The following BACH2 variants were observed in gnomAD, a reference collection of about 807,000 sequenced individuals.
BACH2 encodes BACH transcriptional regulator 2.
In BACH2, 5 loss-of-function variants were observed where a neutral mutation model predicts 61.8. The observed-to-expected ratio is 0.08, with a 90% CI of 0.04 to 0.17. BACH2 has a LOEUF of 0.17. Among genes scored for constraint, BACH2 ranks in the 10% least tolerant of loss-of-function variants. The probability of loss-of-function intolerance (pLI) is 1.00; values close to 1 mark genes in which losing one functional copy is unlikely to be tolerated. For missense variants in BACH2, 824 were observed against 1,091.1 expected, an observed-to-expected ratio of 0.76 and a Z score of 3.45; for synonymous variants, 446 against 440.1, an observed-to-expected ratio of 1.01 and a Z score of -0.17.
chr6:90,135,240 T>C (rs539848627), intron 4 of BACH2, among the ~76,000 whole-genome samples: 1 of 152,308 alleles, frequency 6.6e-6, no homozygotes, highest in South Asian at 2.1e-4. Context: ...AACTAAAACC[T>C]TATCTCTAGC....
At chr6:90,062,897 G>C (rs919644562) in intron 5 of BACH2, 8 of 984,870 alleles carry the variant, frequency 8.1e-6, no homozygotes, top group African/African-American at 1.7e-5. Context: ...GCTCTGCCAA[G>C]ACTTGAACAC....
intron 5 of BACH2, among the ~76,000 whole-genome samples, chr6:90,065,270 C>CCTTTTTTTTTTTTTTTTTTTTT (rs1780894736): frequency 1.9e-5 from 1 of 52,648 alleles, no homozygotes; most frequent in Non-Finnish European, 3.4e-5. Flanking sequence ...GCCGCCCCCA[C>CCTTTTTTTTTTTTTTTTTTTTT]TTTTTTTTTT....
intron 6 of BACH2, among the ~76,000 whole-genome samples, chr6:89,969,397 C>A (rs1775234903): frequency 1.3e-5 from 2 of 152,068 alleles, no homozygotes; most frequent in Admixed American, 1.3e-4. Flanking sequence ...GAGGAACTCA[C>A]AATGTATCAC....
chr6:90,062,160 G>A (rs771880384), intron 5 of BACH2, among the ~76,000 whole-genome samples: 22 of 152,166 alleles, frequency 1.4e-4, no homozygotes, highest in Non-Finnish European at 2.1e-4. Flanking sequence ...AAGAGGTGAC[G>A]TGGAACATGT....
At chr6:90,232,491 C>T (rs916697610) in intron 3 of BACH2, among the ~76,000 whole-genome samples, 5 of 152,164 alleles carry the variant, frequency 3.3e-5, no homozygotes, top group African/African-American at 1.2e-4. Flanking sequence ...AGATGAACAA[C>T]AGGCCCAGAA....
chr6:90,122,765 G>A (rs2127820301), intron 4 of BACH2, among the ~76,000 whole-genome samples: 1 of 152,338 alleles, frequency 6.6e-6, no homozygotes, highest in African/African-American at 2.4e-5. Flanking sequence ...AAAACTGCTT[G>A]ACAAGAGGGA....
chr6:89,981,022 T>G (rs1212903981), intron 6 of BACH2, among the ~76,000 whole-genome samples: 1 of 151,942 alleles, frequency 6.6e-6, no homozygotes, highest in Non-Finnish European at 1.5e-5. Context: ...TGATTAGGCT[T>G]AATTAGATAT....
intron 6 of BACH2, among the ~76,000 whole-genome samples, chr6:89,966,984 T>C (rs1187299338): frequency 2.0e-5 from 3 of 152,174 alleles, no homozygotes; most frequent in African/African-American, 7.2e-5. Context: ...TATAGGCCGG[T>C]AGGGTCCTAT....
intron 3 of BACH2, among the ~76,000 whole-genome samples, chr6:90,209,094 C>T (rs992288127): frequency 6.6e-6 from 1 of 151,884 alleles, no homozygotes; most frequent in Non-Finnish European, 1.5e-5. Context: ...AGGAGAAATA[C>T]CTTACGTAAA....
intron 7 of BACH2, 65 bp from the exon 8 acceptor site, chr6:89,938,415 C>A: frequency 2.1e-6 from 3 of 1,413,990 alleles, no homozygotes; most frequent in Non-Finnish European, 2.9e-6. Context: ...GGCGGAACAT[C>A]AAAAATGATA....
At chr6:90,062,998 T>A in intron 5 of BACH2, 1 of 893,168 alleles carries the variant, frequency 1.1e-6, no homozygotes, top group Non-Finnish European at 1.3e-6. Flanking sequence ...TACAACCAGA[T>A]GTATAGGGAA....
chr6:90,153,260 A>G (rs1039128733), intron 4 of BACH2, among the ~76,000 whole-genome samples: 3 of 152,186 alleles, frequency 2.0e-5, no homozygotes, highest in Admixed American at 6.5e-5. Context: ...ATCATGAATC[A>G]CACGCCCAAG....
chr6:90,267,316 G>A (rs1771369421), intron 2 of BACH2, among the ~76,000 whole-genome samples: 1 of 152,094 alleles, frequency 6.6e-6, no homozygotes, highest in African/African-American at 2.4e-5. Flanking sequence ...TTAAACATAT[G>A]AAAAGAAGCA....
chr6:90,204,638 C>A (rs1268540035), intron 4 of BACH2, among the ~76,000 whole-genome samples: 2 of 152,074 alleles, frequency 1.3e-5, no homozygotes, highest in Non-Finnish European at 2.9e-5. Context: ...GTTGGGTTGC[C>A]CTGGAGAAAC....
At chr6:90,142,539 T>G (rs12199079) in intron 4 of BACH2, among the ~76,000 whole-genome samples, 36,881 of 152,144 alleles carry the variant, frequency 0.24, 5,710 homozygotes, top group Non-Finnish European at 0.35. Flanking sequence ...CAAACAGTAC[T>G]TTGTTATTCA....
intron 3 of BACH2, among the ~76,000 whole-genome samples, chr6:90,218,426 C>T (rs1282947243): frequency 2.0e-5 from 3 of 152,102 alleles, no homozygotes; most frequent in Non-Finnish European, 4.4e-5. Flanking sequence ...AATTCCTATG[C>T]TCCTCAGCAG....
chr6:90,211,153 A>G (rs922172669), intron 3 of BACH2, among the ~76,000 whole-genome samples: 1 of 144,380 alleles, frequency 6.9e-6, no homozygotes, highest in African/African-American at 2.5e-5. Flanking sequence ...AAAAAAAGGC[A>G]GAGACAAAGT....
At chr6:90,235,455 A>G (rs1490548466) in intron 3 of BACH2, among the ~76,000 whole-genome samples, 2 of 152,228 alleles carry the variant, frequency 1.3e-5, no homozygotes, top group Non-Finnish European at 2.9e-5. Context: ...AGCCATTATT[A>G]TTACAAAGGT....
chr6:90,060,381 A>G (rs1780622120), intron 5 of BACH2, among the ~76,000 whole-genome samples: 1 of 152,024 alleles, frequency 6.6e-6, no homozygotes, highest in Non-Finnish European at 1.5e-5. Flanking sequence ...AAACTATTTT[A>G]GTTTTATTTT....
Sources: allele counts gnomAD v4.1 joint callset (sites outside exome capture counted in the v4.1 genomes callset), GRCh38; gene constraint gnomAD v4.1.1; transcripts MANE v1.5; gene names NCBI Gene and HGNC (gene_info 2026-07-23, HGNC 2026-07-21).